Variants in SYT16 observed in about 807,000 individuals in gnomAD.
The protein encoded by SYT16 is synaptotagmin-16.
SYT16 carries 42 observed loss-of-function variants against 61.4 expected under a neutral mutation model. The ratio of observed to expected loss-of-function variants is 0.68; its 90% CI spans 0.53 to 0.89. The LOEUF (loss-of-function observed/expected upper bound fraction) is 0.89, where lower values mean the gene tolerates loss of function less well. SYT16 is among the 40% of genes least tolerant of loss of function. SYT16 has a pLI of 0.00. For synonymous variants in SYT16, 314 were observed against 302.3 expected, an observed-to-expected ratio of 1.04 and a Z score of -0.40; for missense variants, 804 against 807.3, an observed-to-expected ratio of 1.00 and a Z score of 0.05.
At chr14:61,828,189 T>C (rs1438088204) in intron 1 of SYT16, among the ~76,000 whole-genome samples, 1 of 152,158 alleles carries the variant, frequency 6.6e-6, no homozygotes, top group East Asian at 1.9e-4. Context: ...GGAATTCTGA[T>C]CTCCAGAAAT....
chr14:61,824,831 T>C (rs2045725516), intron 1 of SYT16, among the ~76,000 whole-genome samples: 1 of 152,172 alleles, frequency 6.6e-6, no homozygotes, highest in African/African-American at 2.4e-5. Context: ...ATAATAAGAA[T>C]GTCTTTTTAC....
intron 1 of SYT16, among the ~76,000 whole-genome samples, chr14:61,958,718 T>G (rs1056013635): frequency 6.6e-6 from 1 of 152,044 alleles, no homozygotes; most frequent in African/African-American, 2.4e-5. Flanking sequence ...AGAAGAATGA[T>G]TACTCTGCTG....
chr14:62,072,621 C>T (rs1422702622), intron 4 of SYT16, among the ~76,000 whole-genome samples: 2 of 152,142 alleles, frequency 1.3e-5, no homozygotes, highest in Non-Finnish European at 2.9e-5. Flanking sequence ...ATCTCCTTTG[C>T]TTAAAGTCAA....
At chr14:61,816,775 GC>G (rs2045442048) in intron 1 of SYT16, among the ~76,000 whole-genome samples, 2 of 152,100 alleles carry the variant, frequency 1.3e-5, no homozygotes, top group Non-Finnish European at 2.9e-5. Context: ...ACTTTGGGAG[GC>G]CGAGGCGGAC....
intron 7 of SYT16, among the ~76,000 whole-genome samples, chr14:62,097,493 G>A (rs1449827359): frequency 2.0e-5 from 3 of 152,140 alleles, no homozygotes; most frequent in Admixed American, 6.6e-5. Flanking sequence ...AACCCCAAAA[G>A]ACCCTGGTCA....
At chr14:61,876,564 C>T (rs139957059) in intron 1 of SYT16, among the ~76,000 whole-genome samples, 23 of 152,244 alleles carry the variant, frequency 1.5e-4, no homozygotes, top group African/African-American at 5.3e-4. Context: ...GAGATAACAC[C>T]GAGGAACAGC....
chr14:61,976,755 A>G (rs1256474078), intron 2 of SYT16, among the ~76,000 whole-genome samples: 1 of 152,128 alleles, frequency 6.6e-6, no homozygotes, highest in Non-Finnish European at 1.5e-5. Flanking sequence ...AAGGGCTGCC[A>G]TGAGGACCTC....
chr14:62,033,267 AT>A (rs971324502), intron 3 of SYT16, among the ~76,000 whole-genome samples: 25 of 151,446 alleles, frequency 1.7e-4, no homozygotes, highest in African/African-American at 5.8e-4. Flanking sequence ...AATCAACTGC[AT>A]TTTTTTTTCT....
intron 7 of SYT16, among the ~76,000 whole-genome samples, chr14:62,098,739 G>GA (rs1355134726): frequency 6.6e-6 from 1 of 152,168 alleles, no homozygotes; most frequent in Non-Finnish European, 1.5e-5. Context: ...TTTACCACTG[G>GA]AAAACTGCAT....
intron 1 of SYT16, among the ~76,000 whole-genome samples, chr14:61,861,193 A>G (rs1594776250): frequency 6.6e-6 from 1 of 152,190 alleles, no homozygotes; most frequent in Admixed American, 6.5e-5. Flanking sequence ...CCAGTGGACT[A>G]TTTTGTAGCC....
intron 1 of SYT16, among the ~76,000 whole-genome samples, chr14:61,921,279 T>C (rs138205086): frequency 6.6e-6 from 1 of 152,322 alleles, no homozygotes; most frequent in East Asian, 1.9e-4. Flanking sequence ...TTTTAGAACC[T>C]TCCCCTCCTG....
chr14:61,876,494 G>A (rs1225385499), intron 1 of SYT16, among the ~76,000 whole-genome samples: 2 of 152,158 alleles, frequency 1.3e-5, no homozygotes, highest in African/African-American at 4.8e-5. Context: ...TCACTGCCTT[G>A]GTGTACATGA....
intron 1 of SYT16, among the ~76,000 whole-genome samples, chr14:61,955,952 G>C (rs997171492): frequency 6.6e-6 from 1 of 151,670 alleles, no homozygotes; most frequent in Admixed American, 6.6e-5. Context: ...CCCAACACTT[G>C]CTCCTTTTTT....
Position 62,090,927 on chromosome 14 carries a change from A to G in SYT16, c.1624+6542A>G, listed in dbSNP as rs184612767. On this transcript the variant is annotated intron_variant, in intron 7 of 7. Transcript: ENST00000683842. ...CAGGGAACCTCCTCTTTATAAAACC[A>G]TCAGATCTCATGAGATTTATTCACT... Among the ~76,000 whole-genome samples the G allele has an allele frequency of 1.2e-3, 184 of 152,298 alleles. 1 individual carries two copies. The highest frequency in any genetic ancestry group is 4.0e-3 in the African/African-American group (168 of 41,574).
intron 1 of SYT16, among the ~76,000 whole-genome samples, chr14:61,850,810 T>G (rs907832288): frequency 5.3e-5 from 8 of 152,242 alleles, no homozygotes; most frequent in African/African-American, 1.9e-4. Context: ...TATATTTTCT[T>G]GAGTTTTAAA....
chr14:61,946,298 A>G (rs1340645524), intron 1 of SYT16, among the ~76,000 whole-genome samples: 1 of 152,224 alleles, frequency 6.6e-6, no homozygotes, highest in East Asian at 1.9e-4. Context: ...ACAGAAAGTC[A>G]AATACTGCAT....
At chr14:61,992,749 T>C (rs568448249) in intron 2 of SYT16, among the ~76,000 whole-genome samples, 2 of 152,162 alleles carry the variant, frequency 1.3e-5, no homozygotes, top group South Asian at 4.2e-4. Context: ...TCGGGCAGGC[T>C]ACATAGAAAT....
chr14:62,014,345 A>T (rs12891086), intron 3 of SYT16, among the ~76,000 whole-genome samples: 3 of 151,780 alleles, frequency 2.0e-5, no homozygotes, highest in African/African-American at 7.3e-5. Context: ...CACCTTGCCT[A>T]TATTTTGTTC....
At chr14:62,032,416 A>G (rs1022615124) in intron 3 of SYT16, among the ~76,000 whole-genome samples, 3 of 152,112 alleles carry the variant, frequency 2.0e-5, no homozygotes, top group Admixed American at 6.6e-5. Flanking sequence ...TAAAAGAATC[A>G]AGGATCATTT....
Sources: allele counts gnomAD v4.1 joint callset (sites outside exome capture counted in the v4.1 genomes callset), GRCh38; gene constraint gnomAD v4.1.1; transcripts MANE v1.5; gene names NCBI Gene and HGNC (gene_info 2026-07-23, HGNC 2026-07-21).